CD70: variants seen among roughly 807,000 people sequenced by gnomAD.
CD70 encodes the protein CD70 antigen.
CD70 carries 6 observed loss-of-function variants against 9.0 expected under a neutral mutation model. That is an observed-to-expected ratio of 0.67 (90% CI 0.37 to 1.32). CD70 has a LOEUF of 1.32. Among genes scored for constraint, CD70 ranks in the 40% most tolerant of loss-of-function variants. The pLI is 0.02. For missense variants in CD70, 235 were observed against 258.7 expected, an observed-to-expected ratio of 0.91 and a Z score of 0.63; for synonymous variants, 108 against 112.3, an observed-to-expected ratio of 0.96 and a Z score of 0.24.
intron 2 of CD70, among the ~76,000 whole-genome samples, chr19:6,589,842 T>C (rs1916113714): frequency 1.7e-5 from 1 of 57,600 alleles, no homozygotes; most frequent in African/African-American, 4.9e-5. Context: ...TTCCCCTTCT[T>C]CTCCTGTCCC....
chr19:6,582,537 C>T (rs1274640033), downstream of CD70, among the ~76,000 whole-genome samples: 5 of 150,796 alleles, frequency 3.3e-5, no homozygotes, highest in Admixed American at 6.6e-5. Context: ...CGACAGGCCC[C>T]GGTGTGTGAT....
At chr19:6,582,093 G>C (rs901689916), downstream of CD70, among the ~76,000 whole-genome samples, 1 of 150,018 alleles carries the variant, frequency 6.7e-6, no homozygotes, top group Non-Finnish European at 1.5e-5. Context: ...ACAGTGGCTC[G>C]ATCTCGGCTC....
In CD70 at chr19:6,590,813, TC is replaced by T; in HGVS notation, c.162+27del. On this transcript the variant is annotated intron_variant, in intron 1 of 2. Coordinates refer to ENST00000245903, the MANE Select transcript of CD70 (RefSeq NM_001252.5). The surrounding 1 kb of genome is among the most constrained non-coding windows in gnomAD (Gnocchi z 5.3). Reference sequence around the variant, plus strand: ...TTCGGTCACGCGCCTCTCTATGTTTTCTTCCCAACTTTTCCATCTCAACTCA... The same window carrying T: ...TTCGGTCACGCGCCTCTCTATGTTTTTTCCCAACTTTTCCATCTCAACTCA... 3.1e-6 allele frequency: 5 copies of T among 1,598,824 alleles called. No homozygotes were observed. The highest frequency in any genetic ancestry group is 4.3e-6 in the Non-Finnish European group (5 of 1,168,504).
Position 6,586,193 on chromosome 19 carries a change from A to C in CD70, c.409T>G (p.Ser137Ala). 6.2e-7 allele frequency: 1 copy of C among 1,614,054 alleles called. No homozygotes were observed. Among genetic ancestry groups the C allele is most frequent in the Non-Finnish European group, 8.5e-7 (1 of 1,180,012 alleles). Reference protein sequence around the residue: ...TLAVGICSPASRSISLLRLSF... With the variant: ...TLAVGICSPAARSISLLRLSF... ...AGACGCAGCAGGCTGATGCTACGGG[A>C]GGCGGGAGAGCAGATTCCCACGGCC... Residue 137 changes from serine to alanine, a missense_variant, in exon 3 of 3, where the codon TCC becomes GCC. Ser to Ala is a moderately conservative substitution (Grantham distance 99, BLOSUM62 1). Transcript: ENST00000245903.
chr19:6,590,893 C>T lies in CD70; in HGVS notation c.110G>A (p.Cys37Tyr). ...VAGLVICLVV[C>Y]IQRFAQAQQQ... ...CTGAGCCTGTGCGAAGCGCTGGATGCACACCACGAGGCAGATCACCAAGCC... is the reference window on the plus strand; with the variant it reads ...CTGAGCCTGTGCGAAGCGCTGGATGTACACCACGAGGCAGATCACCAAGCC... Residue 37 changes from cysteine to tyrosine, a missense_variant, in exon 1 of 3, where the codon TGC (cysteine) becomes TAC (tyrosine). Transcript: ENST00000245903. This position sits in a 1 kb window ranked among gnomAD's most constrained non-coding sequence, Gnocchi z 5.3. The T allele has an allele frequency of 6.2e-7, 1 of 1,614,108 alleles. No homozygotes were observed. Among genetic ancestry groups the T allele is most frequent in the Non-Finnish European group, 8.5e-7 (1 of 1,180,020 alleles).
chr19:6,586,126 G>A lies in CD70; in HGVS notation c.476C>T (p.Thr159Met), dbSNP rs372121057. Residue 159 changes from threonine (T) to methionine (M), a missense_variant, in exon 3 of 3, where the codon ACG (threonine) becomes ATG (methionine). Coordinates refer to ENST00000245903, the MANE Select transcript of CD70 (RefSeq NM_001252.5). ...QGCTIASQRL[T>M]PLARGDTLCT... ...GAGTGTGTCCCCTCGGGCCAGGGGC[G>A]TCAGGCGCTGGGAGGCAATGGTACA... 16 of 1,613,996 alleles carry A rather than the reference G, an allele frequency of 9.9e-6. No homozygotes were observed. Among genetic ancestry groups the A allele is most frequent in the Middle Eastern group, 1.6e-4 (1 of 6,082 alleles).
At chr19:6,586,980 CAGAG>C (rs757305826) in intron 2 of CD70, among the ~76,000 whole-genome samples, 12 of 147,198 alleles carry the variant, frequency 8.2e-5, no homozygotes, top group Non-Finnish European at 1.3e-4. Flanking sequence ...AGAGAGAATG[CAGAG>C]AGAGAGCAAG....
In CD70 at chr19:6,591,119, C is replaced by A. The variant is rs896152804; in HGVS notation, c.-117G>T. 155 of 1,164,392 alleles carry A rather than the reference C, an allele frequency of 1.3e-4. No individual in the cohort carries two copies. The African/African-American group carries it at 2.4e-3, about 18-fold the overall frequency. 72.1% of individuals were successfully genotyped at this position (1,164,392 alleles called of 1,614,324 possible). A position where few individuals can be genotyped will look rare whatever the true frequency, so the allele number is the denominator to read the frequency against. On this transcript the variant is annotated 5_prime_UTR_variant, in exon 1 of 3. Transcript: ENST00000245903. ...GGGGCTCCTGGGCGTCTACTTGCTT[C>A]AACCTGTCAGGGGACCAGCCTGCCC...
At chr19:6,584,366 A>G (rs7253697), downstream of CD70, among the ~76,000 whole-genome samples, 125,104 of 151,180 alleles carry the variant, frequency 0.83, 52,370 homozygotes, top group Non-Finnish European at 0.89. Flanking sequence ...AATTAGCCGG[A>G]CGTGGTGGCG....
rs1241126019 is a variant in CD70, at chr19:6,590,813, T to C, written c.162+28A>G. 10 of 1,598,706 alleles carry C rather than the reference T, an allele frequency of 6.3e-6. No homozygotes were observed. Among genetic ancestry groups the C allele is most frequent in the Non-Finnish European group, 8.6e-6 (10 of 1,168,512 alleles). On this transcript the variant is annotated intron_variant, in intron 1 of 2. Coordinates refer to ENST00000245903, the MANE Select transcript of CD70 (RefSeq NM_001252.5). This position sits in a 1 kb window ranked among gnomAD's most constrained non-coding sequence, Gnocchi z 5.3. ...TTCGGTCACGCGCCTCTCTATGTTT[T>C]CTTCCCAACTTTTCCATCTCAACTC...
chr19:6,583,934 A>C (rs1915967679), downstream of CD70, among the ~76,000 whole-genome samples: 1 of 151,346 alleles, frequency 6.6e-6, no homozygotes, highest in Non-Finnish European at 1.5e-5. Context: ...CTGGGTTTAC[A>C]GGTGCCGGCC....
intron 2 of CD70, among the ~76,000 whole-genome samples, chr19:6,587,188 A>G (rs1283746430): frequency 8.9e-6 from 1 of 112,904 alleles, no homozygotes; most frequent in Non-Finnish European, 1.8e-5. Flanking sequence ...GAGAGAGATC[A>G]TGAGGGAGAG....
chr19:6,582,398 C>T (rs1915935373), downstream of CD70, among the ~76,000 whole-genome samples: 1 of 148,504 alleles, frequency 6.7e-6, no homozygotes, highest in Admixed American at 6.8e-5. Context: ...GGTACATGTG[C>T]ACAACGTGCA....
chr19:6,583,977 G>A (rs1169416670), downstream of CD70, among the ~76,000 whole-genome samples: 1 of 151,010 alleles, frequency 6.6e-6, no homozygotes, highest in African/African-American at 2.4e-5. Context: ...GTTTTTAGTA[G>A]AGACGGGGTT....
downstream of CD70, chr19:6,583,161 C>T (rs970932070): frequency 1.1e-5 from 5 of 460,488 alleles, no homozygotes; most frequent in Admixed American, 3.9e-5. Context: ...GCGGGATTAT[C>T]TGGCTTGGAA....
At chr19:6,589,775 C>G (rs757147748) in intron 2 of CD70, among the ~76,000 whole-genome samples, 30 of 151,526 alleles carry the variant, frequency 2.0e-4, no homozygotes, top group Non-Finnish European at 4.1e-4. Flanking sequence ...CTGTCTCCCC[C>G]GCCTGTCTCC....
At position 6,590,704 on chromosome 19, in the gene CD70, C is replaced by G. The variant is rs1916137858; in HGVS notation, c.162+137G>C. On this transcript the variant is annotated intron_variant, in intron 1 of 2. Transcript: ENST00000245903. This position sits in a 1 kb window ranked among gnomAD's most constrained non-coding sequence, Gnocchi z 5.3. ...CCCCTACACCGGGCAGCCTGGTCCCCGCCTCGCCTCCCTGTTCTGGTCTCT... is the reference window on the plus strand; with the variant it reads ...CCCCTACACCGGGCAGCCTGGTCCCGGCCTCGCCTCCCTGTTCTGGTCTCT... The G allele has an allele frequency of 3.8e-6, 3 of 780,388 alleles. No homozygotes were observed. The Admixed American group carries it at 8.1e-5, about 21-fold the overall frequency. 48.3% of individuals were successfully genotyped at this position (780,388 alleles called of 1,614,324 possible). A position where few individuals can be genotyped will look rare whatever the true frequency, so the allele number is the denominator to read the frequency against.
chr19:6,587,252 G>T (rs1050883062), intron 2 of CD70, among the ~76,000 whole-genome samples: 3 of 151,198 alleles, frequency 2.0e-5, no homozygotes, highest in Non-Finnish European at 4.4e-5. Context: ...GCTTGAGGGA[G>T]AGTGCACGAG....
chr19:6,582,429 A>G (rs940416676), downstream of CD70, among the ~76,000 whole-genome samples: 7 of 148,838 alleles, frequency 4.7e-5, no homozygotes, highest in South Asian at 2.1e-4. Flanking sequence ...ATATGTATAT[A>G]TGTGCCGTGT....
Sources: allele counts gnomAD v4.1 joint callset (sites outside exome capture counted in the v4.1 genomes callset), GRCh38; gene constraint gnomAD v4.1.1; non-coding constraint Gnocchi (gnomAD v3.1); transcripts MANE v1.5; gene names NCBI Gene and HGNC (gene_info 2026-07-23, HGNC 2026-07-21).